Variants in WWOX observed in about 807,000 individuals in gnomAD.
WWOX encodes the protein WW domain containing oxidoreductase, also known as WW domain-containing oxidoreductase.
Under a neutral mutation model 46.2 loss-of-function variants are expected in WWOX, and 69 were observed. The observed-to-expected ratio is 1.49, with a 90% CI of 1.23 to 1.82. The LOEUF (loss-of-function observed/expected upper bound fraction) is 1.82. Among genes scored for constraint, WWOX ranks in the 40% most tolerant of loss-of-function variants. The pLI, the probability that WWOX is intolerant of heterozygous loss-of-function variation, is 0.00. For synonymous variants in WWOX, 359 were observed against 202.6 expected (o/e 1.77, Z -6.56); for missense variants, 919 against 542.6 (o/e 1.69, Z -6.89).
intron 8 of WWOX, among the ~76,000 whole-genome samples, chr16:78,789,445 G>A (rs2050539909): frequency 6.6e-6 from 1 of 152,056 alleles, no homozygotes; most frequent in African/African-American, 2.4e-5. Context: ...CCTTATCAGA[G>A]ATCAATTGGC....
At chr16:79,101,474 T>G (rs1455749291) in intron 8 of WWOX, 3 of 152,142 alleles carry the variant, frequency 2.0e-5, no homozygotes, top group Admixed American at 1.3e-4. Context: ...TTGGGAGAGA[T>G]TCTTTCAAAA....
intron 4 of WWOX, among the ~76,000 whole-genome samples, chr16:78,163,225 C>T (rs189431999): frequency 6.1e-4 from 93 of 152,220 alleles, no homozygotes; most frequent in Non-Finnish European, 1.0e-3. Flanking sequence ...ATGGTATCTT[C>T]CTCCAGAGAA....
At chr16:79,134,964 C>A (rs1398144280) in intron 8 of WWOX, among the ~76,000 whole-genome samples, 2 of 152,098 alleles carry the variant, frequency 1.3e-5, no homozygotes, top group Non-Finnish European at 2.9e-5. Flanking sequence ...CAGACAGGAG[C>A]TACATACATT....
chr16:78,858,481 A>AG (rs1491229231), intron 8 of WWOX, among the ~76,000 whole-genome samples: 1 of 152,128 alleles, frequency 6.6e-6, no homozygotes, highest in African/African-American at 2.4e-5. Context: ...TTAAAAAAAA[A>AG]CTATACACAT....
chr16:78,911,221 A>G (rs2045102930), intron 8 of WWOX, among the ~76,000 whole-genome samples: 1 of 151,906 alleles, frequency 6.6e-6, no homozygotes, highest in Admixed American at 6.6e-5. Flanking sequence ...TTGATTTAAT[A>G]TTTCCAGAGC....
chr16:78,860,603 C>T (rs980194908), intron 8 of WWOX, among the ~76,000 whole-genome samples: 1 of 152,162 alleles, frequency 6.6e-6, no homozygotes, highest in Admixed American at 6.5e-5. Context: ...CTTAGATTAT[C>T]GTGGAGAAGG....
chr16:79,020,851 T>C (rs1356188123), intron 8 of WWOX, among the ~76,000 whole-genome samples: 1 of 152,188 alleles, frequency 6.6e-6, no homozygotes, highest in Admixed American at 6.5e-5. Flanking sequence ...GGTTTAATTC[T>C]ACCACAAAAG....
chr16:79,046,945 C>T (rs1413112919), intron 8 of WWOX, among the ~76,000 whole-genome samples: 3 of 152,170 alleles, frequency 2.0e-5, no homozygotes, highest in Non-Finnish European at 1.5e-5. Context: ...CATTATCTCC[C>T]TTCCATGTAA....
At chr16:78,946,839 G>A (rs922661467) in intron 8 of WWOX, among the ~76,000 whole-genome samples, 1 of 152,098 alleles carries the variant, frequency 6.6e-6, no homozygotes, top group African/African-American at 2.4e-5. Context: ...GGACAAGAGG[G>A]CGTCACGGTG....
At chr16:78,913,432 C>G (rs929043900) in intron 8 of WWOX, among the ~76,000 whole-genome samples, 2 of 151,908 alleles carry the variant, frequency 1.3e-5, no homozygotes, top group Non-Finnish European at 1.5e-5. Context: ...ACCTGTCTTG[C>G]AAAACCCTCA....
At chr16:78,918,824 C>T (rs911159687) in intron 8 of WWOX, among the ~76,000 whole-genome samples, 1 of 152,168 alleles carries the variant, frequency 6.6e-6, no homozygotes, top group African/African-American at 2.4e-5. Flanking sequence ...TGGCTTCTCT[C>T]TTTCCTTTGC....
intron 8 of WWOX, among the ~76,000 whole-genome samples, chr16:78,494,697 G>A (rs2084867397): frequency 6.6e-6 from 1 of 152,118 alleles, no homozygotes; most frequent in Non-Finnish European, 1.5e-5. Context: ...GTCATTTTTT[G>A]AGGAAAATAA....
At chr16:78,117,113 T>C (rs1198758413) in intron 4 of WWOX, among the ~76,000 whole-genome samples, 1 of 152,214 alleles carries the variant, frequency 6.6e-6, no homozygotes, top group Non-Finnish European at 1.5e-5. Context: ...CCCTCACATG[T>C]TGGAGTAAAG....
intron 8 of WWOX, among the ~76,000 whole-genome samples, chr16:78,826,735 C>G (rs190172594): frequency 1.3e-5 from 2 of 152,232 alleles, no homozygotes; most frequent in Admixed American, 1.3e-4. Context: ...ATGGAACTGC[C>G]TTTTTGGAGG....
chr16:78,600,390 C>A (rs1261669012), intron 8 of WWOX, among the ~76,000 whole-genome samples: 1 of 152,166 alleles, frequency 6.6e-6, no homozygotes, highest in Non-Finnish European at 1.5e-5. Context: ...CCCCCAGCTC[C>A]AGCCATTTGT....
chr16:78,808,226 T>C (rs575582991), intron 8 of WWOX, among the ~76,000 whole-genome samples: 17 of 152,290 alleles, frequency 1.1e-4, no homozygotes, highest in East Asian at 9.7e-4. Flanking sequence ...GTGATACCCA[T>C]AGGGACCCTG....
intron 8 of WWOX, among the ~76,000 whole-genome samples, chr16:79,018,142 A>T (rs2047454763): frequency 6.6e-6 from 1 of 152,128 alleles, no homozygotes; most frequent in Non-Finnish European, 1.5e-5. Context: ...GCCTTCAAGA[A>T]TCTTCCGGTT....
At chr16:78,721,081 G>C (rs2048678338) in intron 8 of WWOX, among the ~76,000 whole-genome samples, 2 of 152,004 alleles carry the variant, frequency 1.3e-5, no homozygotes. Flanking sequence ...ATCACTTGTA[G>C]ATATATATTT....
chr16:78,285,193 G>A (rs1401492809), intron 5 of WWOX, among the ~76,000 whole-genome samples: 1 of 152,072 alleles, frequency 6.6e-6, no homozygotes, highest in East Asian at 1.9e-4. Context: ...CAGAACTTTG[G>A]GAGGCGAGGT....
Sources: allele counts gnomAD v4.1 joint callset (sites outside exome capture counted in the v4.1 genomes callset), GRCh38; gene constraint gnomAD v4.1.1; transcripts MANE v1.5; gene names NCBI Gene and HGNC (gene_info 2026-07-23, HGNC 2026-07-21).